The following UTRN variants were observed in gnomAD, a reference collection of about 807,000 sequenced individuals.
UTRN encodes the protein dystrophin-related protein 1.
In UTRN, 283 loss-of-function variants were observed where a neutral mutation model predicts 463.9. That is an observed-to-expected ratio of 0.61 (90% CI 0.55 to 0.67). UTRN has a LOEUF of 0.67. Among genes scored for constraint, UTRN ranks in the 30% least tolerant of loss-of-function variants. The pLI, the probability that UTRN is intolerant of heterozygous loss-of-function variation, is 0.00. For missense variants in UTRN, 3,922 were observed against 4,084.3 expected (o/e 0.96, Z 1.08); for synonymous variants, 1,442 against 1,431.5 (o/e 1.01, Z -0.17).
chr6:144,435,817 T>C (rs1244028027), intron 9 of UTRN, 118 bp from the exon 10 acceptor site: 2 of 1,095,466 alleles, frequency 1.8e-6, no homozygotes, highest in Admixed American at 4.8e-5. Flanking sequence ...CTCCTGAGAA[T>C]TGGATTAGTG....
chr6:144,588,164 C>G (rs1409650294), intron 51 of UTRN, among the ~76,000 whole-genome samples: 1 of 152,102 alleles, frequency 6.6e-6, no homozygotes, highest in African/African-American at 2.4e-5. Flanking sequence ...GAGAAAACAC[C>G]TGCACCCCTG....
chr6:144,388,747 CCA>C (rs1343883861), intron 2 of UTRN, among the ~76,000 whole-genome samples: 1 of 152,088 alleles, frequency 6.6e-6, no homozygotes, highest in Non-Finnish European at 1.5e-5. Context: ...AGCAGTCCAC[CCA>C]CTTGGGCCTC....
chr6:144,336,447 G>A (rs1776726232), intron 2 of UTRN, among the ~76,000 whole-genome samples: 1 of 152,160 alleles, frequency 6.6e-6, no homozygotes, highest in Non-Finnish European at 1.5e-5. Flanking sequence ...CCACATTGGG[G>A]TTCATAGGCT....
intron 51 of UTRN, among the ~76,000 whole-genome samples, chr6:144,601,218 C>G (rs1052676760): frequency 1.3e-5 from 2 of 152,116 alleles, no homozygotes; most frequent in Non-Finnish European, 2.9e-5. Context: ...TTTTGATTTT[C>G]AAGTCTTATT....
intron 51 of UTRN, among the ~76,000 whole-genome samples, chr6:144,635,817 G>A (rs1461751694): frequency 6.6e-6 from 1 of 151,970 alleles, no homozygotes; most frequent in African/African-American, 2.4e-5. Context: ...GGGAGTACAG[G>A]TGTGAGCCAT....
chr6:144,375,626 T>G (rs766675960), intron 2 of UTRN, among the ~76,000 whole-genome samples: 4 of 152,318 alleles, frequency 2.6e-5, no homozygotes, highest in Non-Finnish European at 5.9e-5. Flanking sequence ...TCTGTACCCT[T>G]GTTTGCTTTT....
chr6:144,445,388 C>T (rs142234831), intron 14 of UTRN, among the ~76,000 whole-genome samples: 11 of 149,982 alleles, frequency 7.3e-5, no homozygotes, highest in African/African-American at 2.2e-4. Context: ...TCTATTCCCA[C>T]ATCTCTCAGT....
chr6:144,748,292 C>T lies in UTRN; in HGVS notation c.7986C>T (p.Arg2662=), dbSNP rs374214514. ...ERAQKIAKAM[R]KQSSEVKEKW... ...CCCAAAAGATTGCCAAAGCCATGCG[C>T]AAACAGTCTTCTGAAGTCAAAGAAA... Residue 2662 remains arginine, a synonymous_variant, in exon 55 of 75, where the codon CGC becomes CGT. Coordinates refer to ENST00000367545, the MANE Select transcript of UTRN (RefSeq NM_007124.3). The T allele has an allele frequency of 6.2e-7, 1 of 1,612,994 alleles. No individual in the cohort carries two copies. The highest frequency in any genetic ancestry group is 8.5e-7 in the Non-Finnish European group (1 of 1,179,860).
rs1262579195 is a variant in UTRN, at chr6:144,647,755, G to A, written c.7480-30651G>A. 2.6e-5 allele frequency among the ~76,000 whole-genome samples: 4 copies of A among 152,218 alleles called. No individual in the cohort carries two copies. In the East Asian group the frequency reaches 5.8e-4, roughly 22 times the overall value. ...CGTGGCCTTCCAACTCCATTTGCTA[G>A]GGTTTGACATAATTGATTCCATTTT... is the stretch of plus-strand genomic sequence containing the variant. On this transcript the variant is annotated intron_variant, in intron 51 of 74. Transcript: ENST00000367545.
chr6:144,548,181 A>C (rs540519416), intron 46 of UTRN, among the ~76,000 whole-genome samples: 16 of 152,220 alleles, frequency 1.1e-4, no homozygotes, highest in Non-Finnish European at 2.2e-4. Context: ...TTTCAGGAGC[A>C]ATCTAAATAT....
At chr6:144,771,047 ACTT>A (rs1346573468) in intron 58 of UTRN, among the ~76,000 whole-genome samples, 3 of 152,214 alleles carry the variant, frequency 2.0e-5, no homozygotes, top group African/African-American at 7.2e-5. Context: ...CCACAGCACT[ACTT>A]CTGCTGTTGG....
chr6:144,437,040 C>T (rs796765452), intron 10 of UTRN, among the ~76,000 whole-genome samples: 1 of 151,360 alleles, frequency 6.6e-6, no homozygotes, highest in African/African-American at 2.4e-5. Flanking sequence ...GCAACTTCTA[C>T]CTCCTGGCTT....
intron 58 of UTRN, among the ~76,000 whole-genome samples, chr6:144,763,937 T>C (rs1341652853): frequency 2.0e-5 from 3 of 152,218 alleles, no homozygotes; most frequent in Admixed American, 1.3e-4. Flanking sequence ...TCCAGTTTTT[T>C]AAGTAAAGAA....
intron 52 of UTRN, among the ~76,000 whole-genome samples, chr6:144,699,525 T>G (rs1784375375): frequency 7.1e-6 from 1 of 140,066 alleles, no homozygotes; most frequent in Non-Finnish European, 1.5e-5. Flanking sequence ...TATGAGTCTG[T>G]TGTAAATCCT....
intron 63 of UTRN, among the ~76,000 whole-genome samples, chr6:144,795,074 A>G (rs950051654): frequency 6.6e-6 from 1 of 151,738 alleles, no homozygotes; most frequent in African/African-American, 2.4e-5. Flanking sequence ...CCCTGTGTCC[A>G]TGTGTTCTCA....
chr6:144,409,784 T>G (rs1783721064), intron 3 of UTRN, among the ~76,000 whole-genome samples: 1 of 152,198 alleles, frequency 6.6e-6, no homozygotes. Flanking sequence ...TTTATTTTTG[T>G]TATTATTTGT....
At chr6:144,824,772 GT>G (rs112050254) in intron 66 of UTRN, among the ~76,000 whole-genome samples, 24,356 of 130,804 alleles carry the variant, frequency 0.19, 2,973 homozygotes, top group Admixed American at 0.39. Flanking sequence ...GAAGTTGGTG[GT>G]GGGGGGGGGT....
chr6:144,632,676 A>G (rs1232925024), intron 51 of UTRN, among the ~76,000 whole-genome samples: 1 of 152,130 alleles, frequency 6.6e-6, no homozygotes, highest in Non-Finnish European at 1.5e-5. Context: ...CACAAATGTT[A>G]GAAATACTGT....
At chr6:144,501,611 G>C (rs1052118435) in intron 34 of UTRN, among the ~76,000 whole-genome samples, 1 of 152,016 alleles carries the variant, frequency 6.6e-6, no homozygotes, top group Admixed American at 6.5e-5. Flanking sequence ...GATATGCATA[G>C]TATTTCATTC....
Sources: gnomAD v4.1 joint callset for allele counts (sites outside exome capture counted in the v4.1 genomes callset) on GRCh38, gnomAD v4.1.1 for gene constraint, MANE v1.5 for transcripts, NCBI Gene and HGNC (gene_info 2026-07-23, HGNC 2026-07-21) for gene names.